The following GALNT13 variants were observed in gnomAD, a reference collection of about 807,000 sequenced individuals.
GALNT13 encodes the protein UDP-GalNAc:polypeptide N-acetylgalactosaminyltransferase 13.
GALNT13 carries 28 observed loss-of-function variants against 64.2 expected under a neutral mutation model. That is an observed-to-expected ratio of 0.44 (90% CI 0.32 to 0.60). The LOEUF is 0.60. GALNT13 is among the 20% of genes least tolerant of loss of function. The probability of loss-of-function intolerance (pLI) is 0.05; values close to 1 mark genes in which losing one functional copy is unlikely to be tolerated. For synonymous variants in GALNT13, 214 were observed against 224.6 expected, an observed-to-expected ratio of 0.95 and a Z score of 0.42; for missense variants, 577 against 669.8, an observed-to-expected ratio of 0.86 and a Z score of 1.53.
At chr2:154,388,573 A>G (rs140410289) in intron 9 of GALNT13, among the ~76,000 whole-genome samples, 10 of 152,256 alleles carry the variant, frequency 6.6e-5, no homozygotes, top group Admixed American at 5.2e-4. Flanking sequence ...TTGGTATAAG[A>G]TAAGAATAAG....
At chr2:153,978,377 C>A (rs1694216720) in intron 3 of GALNT13, among the ~76,000 whole-genome samples, 1 of 152,082 alleles carries the variant, frequency 6.6e-6, no homozygotes, top group African/African-American at 2.4e-5. Flanking sequence ...TTTTGCGTGA[C>A]CTTTGTCAAG....
chr2:153,765,759 C>A, the GALNT13 span, among the ~76,000 whole-genome samples: 1 of 152,062 alleles, frequency 6.6e-6, no homozygotes, highest in Non-Finnish European at 1.5e-5. Flanking sequence ...TGTAATAATC[C>A]CCTCATGTCC....
At chr2:153,729,418 TA>T in the GALNT13 span, among the ~76,000 whole-genome samples, 1 of 152,070 alleles carries the variant, frequency 6.6e-6, no homozygotes, top group Non-Finnish European at 1.5e-5. Context: ...TTTATCATTT[TA>T]AAAAAATTAA....
intron 3 of GALNT13, among the ~76,000 whole-genome samples, chr2:154,002,701 T>A (rs1176216093): frequency 6.6e-6 from 1 of 152,200 alleles, no homozygotes; most frequent in Non-Finnish European, 1.5e-5. Flanking sequence ...TTTTCCTGAT[T>A]TTCCCTTGTG....
chr2:154,101,915 A>T (rs1702367511), intron 3 of GALNT13, among the ~76,000 whole-genome samples: 1 of 152,104 alleles, frequency 6.6e-6, no homozygotes, highest in East Asian at 1.9e-4. Context: ...GTAATTCAGG[A>T]GCAAGTTGTT....
At chr2:153,199,288 G>A in the GALNT13 span, among the ~76,000 whole-genome samples, 1 of 152,214 alleles carries the variant, frequency 6.6e-6, no homozygotes. Context: ...GGCAAGGAAA[G>A]CTTATGGCTG....
At chr2:153,483,891 T>G in the GALNT13 span, among the ~76,000 whole-genome samples, 1 of 151,746 alleles carries the variant, frequency 6.6e-6, no homozygotes, top group Non-Finnish European at 1.5e-5. Context: ...GGGAGAGGAG[T>G]AACAGTAGTT....
At position 153,884,766 on chromosome 2, in the gene GALNT13, A is replaced by AATATATATAT. The variant is rs372541314; in HGVS notation, c.-177+12474_-177+12483dup. 2.7e-3 allele frequency among the ~76,000 whole-genome samples: 315 copies of AATATATATAT among 116,346 alleles called. 4 individuals carry two copies. Among genetic ancestry groups the AATATATATAT allele is most frequent in the South Asian group, 0.017 (51 of 3,018 alleles). The allele number at this position is 116,346 out of a possible 152,430, so 76.3% of individuals were successfully genotyped here. On this transcript the variant is annotated intron_variant, in intron 1 of 12. Coordinates refer to ENST00000392825, the MANE Select transcript of GALNT13 (RefSeq NM_052917.4). The stretch of plus-strand genomic sequence containing the variant: ...AAACCCAGTCTGTACTAAAAATACG[A>AATATATATAT]ATATATATATATATATATATGTGTG...
the GALNT13 span, among the ~76,000 whole-genome samples, chr2:153,338,641 A>G: frequency 6.6e-6 from 1 of 152,200 alleles, no homozygotes; most frequent in African/African-American, 2.4e-5. Context: ...AACACTTGAA[A>G]TCTACTCTCT....
the GALNT13 span, among the ~76,000 whole-genome samples, chr2:153,196,162 C>T: frequency 3.3e-5 from 5 of 152,174 alleles, no homozygotes; most frequent in African/African-American, 4.8e-5. Flanking sequence ...TTGGGACTAG[C>T]AGCGCAAACC....
At chr2:153,628,627 T>G in the GALNT13 span, among the ~76,000 whole-genome samples, 1 of 152,228 alleles carries the variant, frequency 6.6e-6, no homozygotes, top group African/African-American at 2.4e-5. Flanking sequence ...TCTTTGGTTC[T>G]GTTCATATGC....
intron 3 of GALNT13, among the ~76,000 whole-genome samples, chr2:154,135,944 TG>T (rs1021927468): frequency 3.3e-5 from 5 of 152,160 alleles, no homozygotes; most frequent in African/African-American, 1.2e-4. Context: ...AAGTGGTTTT[TG>T]TGGTGGGGGG....
At chr2:154,411,665 G>C (rs1349140665) in intron 11 of GALNT13, among the ~76,000 whole-genome samples, 1 of 151,732 alleles carries the variant, frequency 6.6e-6, no homozygotes, top group Non-Finnish European at 1.5e-5. Context: ...AATATAGATT[G>C]TATCTGGCGA....
At chr2:153,600,719 C>T in the GALNT13 span, among the ~76,000 whole-genome samples, 4 of 151,996 alleles carry the variant, frequency 2.6e-5, no homozygotes, top group Admixed American at 1.3e-4. Context: ...TTAATAGATG[C>T]AGCTATGTAA....
the GALNT13 span, among the ~76,000 whole-genome samples, chr2:153,518,438 C>G: frequency 1.3e-5 from 2 of 152,046 alleles, no homozygotes; most frequent in Non-Finnish European, 2.9e-5. Context: ...AGTGGAGAAA[C>G]AAACAGAAGA....
the GALNT13 span, among the ~76,000 whole-genome samples, chr2:153,275,539 C>T: frequency 6.6e-6 from 1 of 152,198 alleles, no homozygotes; most frequent in African/African-American, 2.4e-5. Context: ...TTCTCAGCCT[C>T]CAGAAGTATG....
At chr2:153,237,464 A>T in the GALNT13 span, among the ~76,000 whole-genome samples, 1 of 151,840 alleles carries the variant, frequency 6.6e-6, no homozygotes, top group Non-Finnish European at 1.5e-5. Flanking sequence ...TTTTGTACCC[A>T]TTAGCCATCC....
chr2:153,099,082 C>T, the GALNT13 span, among the ~76,000 whole-genome samples: 1 of 152,150 alleles, frequency 6.6e-6, no homozygotes, highest in Non-Finnish European at 1.5e-5. Context: ...CACTGCACTC[C>T]AGCCTGGGCA....
At chr2:153,122,734 A>T in the GALNT13 span, among the ~76,000 whole-genome samples, 33 of 152,280 alleles carry the variant, frequency 2.2e-4, no homozygotes, top group African/African-American at 6.7e-4. Flanking sequence ...ACTTGTAAAT[A>T]TCAGTTTCCA....
Sources: allele counts gnomAD v4.1 joint callset (sites outside exome capture counted in the v4.1 genomes callset), GRCh38; gene constraint gnomAD v4.1.1; transcripts MANE v1.5; gene names NCBI Gene and HGNC (gene_info 2026-07-23, HGNC 2026-07-21).